Variants in TFCP2 observed in about 807,000 individuals in gnomAD.
TFCP2 encodes the protein alpha-globin transcription factor CP2.
In TFCP2, 33 loss-of-function variants were observed where a neutral mutation model predicts 73.4. That is an observed-to-expected ratio of 0.45 (90% confidence interval 0.34 to 0.60). The LOEUF is 0.60. Among genes scored for constraint, TFCP2 ranks in the 20% least tolerant of loss-of-function variants. The probability of loss-of-function intolerance (pLI) is 0.01; values close to 1 mark genes in which losing one functional copy is unlikely to be tolerated. For missense variants in TFCP2, 352 were observed against 604.0 expected, an observed-to-expected ratio of 0.58 and a Z score of 4.37; for synonymous variants, 193 against 211.6, an observed-to-expected ratio of 0.91 and a Z score of 0.76.
chr12:51,139,878 C>T (rs1941150130), intron 1 of TFCP2, among the ~76,000 whole-genome samples: 1 of 152,180 alleles, frequency 6.6e-6, no homozygotes, highest in African/African-American at 2.4e-5. Flanking sequence ...ACTGAAGGAA[C>T]TGAGGCTACA....
intron 1 of TFCP2, among the ~76,000 whole-genome samples, chr12:51,133,136 T>TA (rs1194030037): frequency 2.4e-4 from 35 of 147,118 alleles, no homozygotes; most frequent in South Asian, 2.4e-3. Context: ...ACAGTTCTAC[T>TA]AAAAAAAGAA....
intron 2 of TFCP2, 144 bp downstream of exon 2, chr12:51,118,477 C>G (rs1566208335): frequency 5.3e-6 from 5 of 935,402 alleles, no homozygotes; most frequent in African/African-American, 3.4e-5. Flanking sequence ...ATGGTGTGAA[C>G]CCGGGAGGCA....
At chr12:51,123,471 G>A (rs931027767) in intron 1 of TFCP2, among the ~76,000 whole-genome samples, 1 of 152,218 alleles carries the variant, frequency 6.6e-6, no homozygotes, top group East Asian at 1.9e-4. Flanking sequence ...CTCTTCCTCA[G>A]AGGTGAGTTT....
At chr12:51,159,685 A>G (rs1001552486) in intron 1 of TFCP2, among the ~76,000 whole-genome samples, 7 of 151,948 alleles carry the variant, frequency 4.6e-5, no homozygotes, top group African/African-American at 1.7e-4. Context: ...ACAGGGTATC[A>G]CTATGTTGCC....
At chr12:51,110,854 G>A (rs747472116) in intron 5 of TFCP2, 23 bp downstream of exon 5, 2 of 1,513,114 alleles carry the variant, frequency 1.3e-6, no homozygotes, top group Admixed American at 3.4e-5. Flanking sequence ...TTCAAAACTG[G>A]AACCCTATCT....
intron 1 of TFCP2, among the ~76,000 whole-genome samples, chr12:51,157,972 C>G (rs548945779): frequency 2.6e-5 from 4 of 151,886 alleles, no homozygotes; most frequent in African/African-American, 9.7e-5. Context: ...ACCACTGCAC[C>G]CGACCCATTT....
At chr12:51,139,001 G>T (rs991799904) in intron 1 of TFCP2, among the ~76,000 whole-genome samples, 1 of 152,198 alleles carries the variant, frequency 6.6e-6, no homozygotes, top group African/African-American at 2.4e-5. Flanking sequence ...CCCTAGAGAT[G>T]TAACCAGTTA....
At chr12:51,134,763 T>C (rs926681362) in intron 1 of TFCP2, among the ~76,000 whole-genome samples, 6 of 152,220 alleles carry the variant, frequency 3.9e-5, no homozygotes, top group African/African-American at 1.4e-4. Flanking sequence ...TAAAAGATCA[T>C]ACTGTAATTC....
chr12:51,166,877 G>A (rs1171611645), intron 1 of TFCP2, among the ~76,000 whole-genome samples: 3 of 152,040 alleles, frequency 2.0e-5, no homozygotes, highest in Non-Finnish European at 4.4e-5. Flanking sequence ...GCTGCACGTG[G>A]GCAGGACGAA....
chr12:51,107,746 A>G (rs1490127731), intron 6 of TFCP2, among the ~76,000 whole-genome samples: 4 of 151,978 alleles, frequency 2.6e-5, no homozygotes, highest in South Asian at 2.1e-4. Context: ...AGCTGGGACT[A>G]CAGGCGTCCG....
At chr12:51,099,923 GT>G in intron 11 of TFCP2, 144 bp from the exon 12 acceptor site, 1 of 985,992 alleles carries the variant, frequency 1.0e-6, no homozygotes. Context: ...AATTTGCTAT[GT>G]TTTATTAGTT....
chr12:51,162,791 T>A (rs550765520), intron 1 of TFCP2: 1 of 152,334 alleles, frequency 6.6e-6, no homozygotes, highest in Non-Finnish European at 1.5e-5. Context: ...TTTTACTACA[T>A]CCCATGAGTT....
intron 14 of TFCP2, among the ~76,000 whole-genome samples, chr12:51,095,609 G>A (rs1434884361): frequency 6.6e-6 from 1 of 151,952 alleles, no homozygotes; most frequent in African/African-American, 2.4e-5. Context: ...GAGGTCAGGA[G>A]TTCGAGACCA....
chr12:51,152,363 T>TC (rs1941447422), intron 1 of TFCP2, among the ~76,000 whole-genome samples: 2 of 132,376 alleles, frequency 1.5e-5, no homozygotes, highest in South Asian at 5.3e-4. Flanking sequence ...CAAGAACTGT[T>TC]CCAGATTAAA....
intron 1 of TFCP2, among the ~76,000 whole-genome samples, chr12:51,170,485 G>T (rs1941838661): frequency 6.6e-6 from 1 of 151,954 alleles, no homozygotes; most frequent in Non-Finnish European, 1.5e-5. Flanking sequence ...GGGGCTACAG[G>T]AACATGCCAC....
In TFCP2 at chr12:51,168,129, C is replaced by T. The variant is rs1941791453; in HGVS notation, c.122+4172G>A. Among the ~76,000 whole-genome samples, 3 of 151,898 alleles carry T rather than the reference C, an allele frequency of 2.0e-5. No individual in the cohort carries two copies. The South Asian group carries it at 6.3e-4, about 32-fold the overall frequency. On this transcript the variant is annotated intron_variant, in intron 1 of 14. Coordinates refer to ENST00000257915, the MANE Select transcript of TFCP2 (RefSeq NM_005653.5). ...TAAAAATCAGGGCTGGGCACAGTGGCTCACACCTATAATCCCGGCACTTTG... is the reference window on the plus strand; with the variant it reads ...TAAAAATCAGGGCTGGGCACAGTGGTTCACACCTATAATCCCGGCACTTTG...
At chr12:51,122,771 T>C (rs1940716409) in intron 1 of TFCP2, among the ~76,000 whole-genome samples, 1 of 152,178 alleles carries the variant, frequency 6.6e-6, no homozygotes, top group African/African-American at 2.4e-5. Flanking sequence ...TTCTAAAAAA[T>C]TACTCTGTTC....
chr12:51,104,180 G>A lies in TFCP2; in HGVS notation c.941C>T (p.Pro314Leu). ...ATCTGTGACTGGAGGGGGTGGCTCT[G>A]GCTGGTGGTTTGGTGAACCATTTCT... is the stretch of plus-strand genomic sequence containing the variant. Reference protein sequence around the residue: ...GEGNGSPNHQPEPPPPVTDNL... With the variant: ...GEGNGSPNHQLEPPPPVTDNL... Residue 314 changes from proline (P) to leucine (L), a missense_variant, in exon 9 of 15, where the codon CCA becomes CTA. Physicochemically the swap from Pro to Leu is moderately conservative, Grantham distance 98. Around this residue, in one of 6 missense-constraint regions of TFCP2, gnomAD observed 194 missense variants for 256.3 expected, o/e 0.76. Coordinates refer to ENST00000257915, the MANE Select transcript of TFCP2 (RefSeq NM_005653.5). 1 of 1,614,056 alleles carries A rather than the reference G, an allele frequency of 6.2e-7. No individual in the cohort carries two copies. The highest frequency in any genetic ancestry group is 8.5e-7 in the Non-Finnish European group (1 of 1,179,998).
Position 51,106,575 on chromosome 12 carries a change from G to A in TFCP2, c.867C>T (p.Ser289=), listed in dbSNP as rs997974930. 1.9e-6 allele frequency: 3 copies of A among 1,613,452 alleles called. No individual in the cohort carries two copies. The highest frequency in any genetic ancestry group is 2.5e-6 in the Non-Finnish European group (3 of 1,179,764). Residue 289 remains serine (S), a synonymous_variant, in exon 8 of 15, where the codon TCC becomes TCT. Coordinates refer to ENST00000257915, the MANE Select transcript of TFCP2 (RefSeq NM_005653.5). ...PWPEITYVNN[S]PSPGFNSSHS... Reference sequence around the variant, plus strand: ...GGGAACTGTTGAAGCCAGGTGATGGGGAGTTATTGACATACGTGATCTCGG... The same window carrying A: ...GGGAACTGTTGAAGCCAGGTGATGGAGAGTTATTGACATACGTGATCTCGG...
Sources: allele counts gnomAD v4.1 joint callset (sites outside exome capture counted in the v4.1 genomes callset), GRCh38; gene constraint gnomAD v4.1.1; regional missense constraint gnomAD v4.1.1; transcripts MANE v1.5; gene names NCBI Gene and HGNC (gene_info 2026-07-23, HGNC 2026-07-21).